The following HIBCH variants were observed in gnomAD, a reference collection of about 807,000 sequenced individuals.
HIBCH encodes the protein 3-hydroxyisobutyryl-CoA hydrolase, also known as 3-hydroxyisobutyryl-CoA hydrolase, mitochondrial.
HIBCH carries 50 observed loss-of-function variants against 58.2 expected under a neutral mutation model. The observed-to-expected ratio is 0.86, with a 90% CI of 0.68 to 1.09. The LOEUF (loss-of-function observed/expected upper bound fraction) is 1.09. HIBCH is among the 50% of genes least tolerant of loss of function. The pLI is 0.00. For synonymous variants in HIBCH, 151 were observed against 146.9 expected (o/e 1.03, Z -0.20); for missense variants, 450 against 449.7 (o/e 1.00, Z -0.01).
rs929774727 is a variant in HIBCH, at chr2:190,254,607, G to A, written c.518-2300C>T. ...GTATCTCACATTTAACATGGCAAAA[G>A]TAGAACTACTGATTCACAAACCTCC... is the stretch of plus-strand genomic sequence containing the variant. On this transcript the variant is annotated intron_variant, in intron 7 of 13. Transcript: ENST00000359678. The surrounding 1 kb of genome is among the most constrained non-coding windows in gnomAD (Gnocchi z 5.0). 2.0e-5 allele frequency among the ~76,000 whole-genome samples: 3 copies of A among 152,248 alleles called. No individual in the cohort carries two copies. Among genetic ancestry groups the A allele is most frequent in the African/African-American group, 7.2e-5 (3 of 41,546 alleles).
chr2:190,220,846 C>A (rs1685699582), intron 11 of HIBCH, among the ~76,000 whole-genome samples: 1 of 152,156 alleles, frequency 6.6e-6, no homozygotes, highest in African/African-American at 2.4e-5. Flanking sequence ...CACTTTCTGG[C>A]TTCATATGCA....
chr2:190,261,223 G>A lies in HIBCH; in HGVS notation c.450C>T (p.Leu150=). ...CCACTCGAAATTGCCCATGGACTGA[G>A]AGACCAACTCCCTAGAGAAAAAAGG... The part of the protein sequence containing the change: ...HGITMGGGVG[L]SVHGQFRVAT... Residue 150 remains leucine, a synonymous_variant, in exon 7 of 14, where the codon CTC becomes CTT. Transcript: ENST00000359678. 6.2e-7 allele frequency: 1 copy of A among 1,609,750 alleles called. No individual in the cohort carries two copies. The highest frequency in any genetic ancestry group is 8.5e-7 in the Non-Finnish European group (1 of 1,177,796).
intron 6 of HIBCH, among the ~76,000 whole-genome samples, chr2:190,263,132 T>C (rs1483580636): frequency 6.6e-6 from 1 of 152,266 alleles, no homozygotes; most frequent in Non-Finnish European, 1.5e-5. Context: ...ACCATTAATC[T>C]TAGCTGATAC....
At chr2:190,292,359 C>T (rs1186809900) in intron 4 of HIBCH, among the ~76,000 whole-genome samples, 2 of 151,954 alleles carry the variant, frequency 1.3e-5, no homozygotes, top group African/African-American at 4.8e-5. Context: ...GGCTGGAGTG[C>T]GGTGGCATGA....
In HIBCH at chr2:190,213,172, C is replaced by T. The variant is rs1274346274; in HGVS notation, c.892-97G>A. On this transcript the variant is annotated intron_variant, in intron 11 of 13. Transcript: ENST00000359678. The stretch of plus-strand genomic sequence containing the variant: ...TCTATGTAAATAATATTAAAATATG[C>T]CAAAATCTCATAAAAGATTATACCC... The T allele has an allele frequency of 2.1e-5, 22 of 1,032,994 alleles. No individual in the cohort carries two copies. In the South Asian group the frequency reaches 2.7e-4, roughly 13 times the overall value. 64.0% of individuals were successfully genotyped at this position (1,032,994 alleles called of 1,614,324 possible).
intron 1 of HIBCH, among the ~76,000 whole-genome samples, chr2:190,192,450 ATCTG>A (rs969027518): frequency 3.2e-5 from 3 of 93,786 alleles, no homozygotes; most frequent in East Asian, 2.7e-4. Context: ...ATAATTCAGA[ATCTG>A]TGTGTGTGTG....
At chr2:190,190,439 C>T (rs1386527427) in intron 1 of HIBCH, among the ~76,000 whole-genome samples, 1 of 152,102 alleles carries the variant, frequency 6.6e-6, no homozygotes, top group African/African-American at 2.4e-5. Context: ...ATTTGTTTAT[C>T]CATTTGATTT....
Position 190,281,105 on chromosome 2 carries a change from C to T in HIBCH, c.438+6481G>A, listed in dbSNP as rs1194354239. ...GCCAGTGGGTCAACAGTTCTAGAATCTCAAGGGCAGCTCTAGCTCTGACCT... is the reference window on the plus strand; with the variant it reads ...GCCAGTGGGTCAACAGTTCTAGAATTTCAAGGGCAGCTCTAGCTCTGACCT... On this transcript the variant is annotated intron_variant, in intron 6 of 13. Coordinates refer to ENST00000359678, the MANE Select transcript of HIBCH (RefSeq NM_014362.4). The surrounding 1 kb of genome is among the most constrained non-coding windows in gnomAD (Gnocchi z 5.4). 6.6e-6 allele frequency: 1 copy of T among 152,252 alleles called. No homozygotes were observed. Among genetic ancestry groups the T allele is most frequent in the African/African-American group, 2.4e-5 (1 of 41,442 alleles). The allele number at this position is 152,252 out of a possible 1,614,324, so 9.4% of individuals were successfully genotyped here.
intron 6 of HIBCH, among the ~76,000 whole-genome samples, chr2:190,272,751 C>T (rs1011868088): frequency 6.6e-6 from 1 of 151,772 alleles, no homozygotes; most frequent in Non-Finnish European, 1.5e-5. Flanking sequence ...GAATGCAATA[C>T]CTTAATGGGG....
chr2:190,290,100 A>C (rs1241938086), intron 5 of HIBCH, among the ~76,000 whole-genome samples: 1 of 152,132 alleles, frequency 6.6e-6, no homozygotes, highest in African/African-American at 2.4e-5. Context: ...GCTGGTCTCA[A>C]ACTCCTGAAC....
At chr2:190,318,313 G>T (rs1010509264) in intron 1 of HIBCH, among the ~76,000 whole-genome samples, 2 of 152,000 alleles carry the variant, frequency 1.3e-5, no homozygotes, top group Non-Finnish European at 2.9e-5. Flanking sequence ...GGTGGAGAGT[G>T]GCATTAGAAA....
chr2:190,206,991 A>G lies in HIBCH; in HGVS notation c.1046-1759T>C, dbSNP rs1690406247. ...ATACAAAAAAATTAGGCGTGGTGGC[A>G]GGCGCTTTTAGTCCCAGCTACTCGG... On this transcript the variant is annotated intron_variant, in intron 13 of 13. Coordinates refer to ENST00000359678, the MANE Select transcript of HIBCH (RefSeq NM_014362.4). This position sits in a 1 kb window ranked among gnomAD's most constrained non-coding sequence, Gnocchi z 5.1. 6.6e-6 allele frequency among the ~76,000 whole-genome samples: 1 copy of G among 152,050 alleles called. No individual in the cohort carries two copies. The highest frequency in any genetic ancestry group is 2.4e-5 in the African/African-American group (1 of 41,414).
At chr2:190,221,025 C>T (rs1323164199) in intron 11 of HIBCH, among the ~76,000 whole-genome samples, 1 of 152,116 alleles carries the variant, frequency 6.6e-6, no homozygotes, top group Non-Finnish European at 1.5e-5. Flanking sequence ...GCTATATTTC[C>T]TCAGTTGGTT....
chr2:190,292,702 A>C (rs576874599), intron 4 of HIBCH, among the ~76,000 whole-genome samples: 1 of 152,334 alleles, frequency 6.6e-6, no homozygotes, highest in East Asian at 1.9e-4. Flanking sequence ...ACAAACAAAA[A>C]ATGACTATCT....
At chr2:190,283,782 A>G (rs888044815) in intron 6 of HIBCH, among the ~76,000 whole-genome samples, 1 of 152,188 alleles carries the variant, frequency 6.6e-6, no homozygotes, top group African/African-American at 2.4e-5. Flanking sequence ...GTATAAAACA[A>G]ACTTTCTCAG....
At chr2:190,196,912 C>A (rs1690006824) in intron 1 of HIBCH, among the ~76,000 whole-genome samples, 1 of 152,050 alleles carries the variant, frequency 6.6e-6, no homozygotes, top group Non-Finnish European at 1.5e-5. Context: ...ATTTAGAAGA[C>A]TGGGTGTTTA....
intron 11 of HIBCH, among the ~76,000 whole-genome samples, chr2:190,237,202 T>C (rs10200496): frequency 0.3 from 45,779 of 152,100 alleles, 7,781 homozygotes; most frequent in East Asian, 0.45. Context: ...AATCAAGATA[T>C]AGAACATTTC....
chr2:190,197,628 T>C lies in HIBCH; in HGVS notation c.*17+7472A>G, dbSNP rs1376861093. ...GGTAATGCTGGGAGATACCCCCAGG[T>C]AGAATCCCACAATGACCATCTGTGG... On this transcript the variant is annotated intron_variant, in intron 1 of 1. Coordinates refer to the HIBCH transcript ENST00000399855. This position sits in a 1 kb window ranked among gnomAD's most constrained non-coding sequence, Gnocchi z 4.0. Among the ~76,000 whole-genome samples the C allele has an allele frequency of 1.3e-5, 2 of 152,228 alleles. No homozygotes were observed. Among genetic ancestry groups the C allele is most frequent in the African/African-American group, 4.8e-5 (2 of 41,454 alleles).
intron 6 of HIBCH, among the ~76,000 whole-genome samples, chr2:190,284,381 A>G (rs1208538248): frequency 1.3e-5 from 2 of 148,910 alleles, no homozygotes; most frequent in African/African-American, 2.5e-5. Context: ...AGGCTTCTGT[A>G]AAAAAAAAAT....
Sources: gnomAD v4.1 joint callset for allele counts (sites outside exome capture counted in the v4.1 genomes callset) on GRCh38, gnomAD v4.1.1 for gene constraint, Gnocchi (gnomAD v3.1) non-coding constraint, MANE v1.5 for transcripts, NCBI Gene and HGNC (gene_info 2026-07-23, HGNC 2026-07-21) for gene names.